ZGPAT: variants seen among roughly 807,000 people sequenced by gnomAD.
ZGPAT encodes zinc finger CCCH-type and G-patch domain containing.
In ZGPAT, 39 loss-of-function variants were observed where a neutral mutation model predicts 47.9. The ratio of observed to expected loss-of-function variants is 0.81; its 90% CI spans 0.63 to 1.06. The LOEUF is 1.06. Ranked by LOEUF, ZGPAT falls within the 50% of genes least tolerant of loss-of-function variation. ZGPAT has a pLI of 0.00. For synonymous variants in ZGPAT, 348 were observed against 292.9 expected, an observed-to-expected ratio of 1.19 and a Z score of -1.92; for missense variants, 717 against 681.4, an observed-to-expected ratio of 1.05 and a Z score of -0.58.
chr20:63,709,359 C>T (rs2091627692), intron 2 of ZGPAT, among the ~76,000 whole-genome samples, 195 bp downstream of exon 2: 1 of 152,194 alleles, frequency 6.6e-6, no homozygotes. Context: ...GGAAGGAGGC[C>T]AGGCGCGGTG....
chr20:63,724,224 G>T (rs1488558389), intron 2 of ZGPAT, among the ~76,000 whole-genome samples: 2 of 151,972 alleles, frequency 1.3e-5, no homozygotes, highest in Non-Finnish European at 2.9e-5. Context: ...AAAGTAGCCG[G>T]GTGTGGTGGT....
chr20:63,725,198 A>G (rs906234635), intron 2 of ZGPAT, among the ~76,000 whole-genome samples: 7 of 151,460 alleles, frequency 4.6e-5, no homozygotes, highest in Admixed American at 2.6e-4. Flanking sequence ...GTTAGCCAGG[A>G]TGGTCTTGAT....
Position 63,711,289 on chromosome 20 carries a change from G to C in ZGPAT, c.584+2125G>C, listed in dbSNP as rs370800211. ...ATGAGAGATCTGACACATCCCTGTG[G>C]TGCTCCCTCTGGGCCAGGCACTGCT... On this transcript the variant is annotated intron_variant, in intron 2 of 6. Coordinates refer to ENST00000355969, the MANE Select transcript of ZGPAT (RefSeq NM_181485.3). Among the ~76,000 whole-genome samples, 12 of 152,266 alleles carry C rather than the reference G, an allele frequency of 7.9e-5. No homozygotes were observed. In the South Asian group the frequency reaches 2.5e-3, roughly 32 times the overall value.
At chr20:63,722,908 G>A (rs935762475) in intron 2 of ZGPAT, among the ~76,000 whole-genome samples, 8 of 152,182 alleles carry the variant, frequency 5.3e-5, no homozygotes, top group Non-Finnish European at 1.0e-4. Flanking sequence ...TGGGATTACA[G>A]GTGTGAGCGA....
chr20:63,708,738 G>A lies in ZGPAT; in HGVS notation c.158G>A (p.Ser53Asn). 1 of 1,612,644 alleles carries A rather than the reference G, an allele frequency of 6.2e-7. No homozygotes were observed. The highest frequency in any genetic ancestry group is 8.5e-7 in the Non-Finnish European group (1 of 1,179,754). The change falls in exon 2 of 7, where the codon AGC becomes AAC. Residue 53 changes from serine to asparagine, a missense_variant. By Grantham distance (46) the Ser-to-Asn change is conservative. Transcript: ENST00000355969. Reference protein sequence around the residue: ...LKELIELTEASLVSVRKSSLL... With the variant: ...LKELIELTEANLVSVRKSSLL... ...GAGCTCATCGAGCTCACCGAGGCCA[G>A]CCTGGTGTCTGTCAGGAAGAGCAGC...
At chr20:63,734,917 G>T (rs573726102) in intron 5 of ZGPAT, 93 bp downstream of exon 5, 2 of 1,440,058 alleles carry the variant, frequency 1.4e-6, no homozygotes, top group South Asian at 1.4e-5. Flanking sequence ...GCAGCCATCG[G>T]GTTCCCAGGG....
intron 2 of ZGPAT, among the ~76,000 whole-genome samples, chr20:63,727,546 C>T (rs926594855): frequency 6.6e-6 from 1 of 151,776 alleles, no homozygotes; most frequent in African/African-American, 2.4e-5. Flanking sequence ...TAGCTCACAC[C>T]TGTAGTCCCA....
At chr20:63,719,321 T>C (rs1239980017) in intron 2 of ZGPAT, among the ~76,000 whole-genome samples, 2 of 152,226 alleles carry the variant, frequency 1.3e-5, no homozygotes, top group Non-Finnish European at 2.9e-5. Context: ...ATTTGCAAAG[T>C]TTCAGCTACT....
At chr20:63,732,982 ATCTG>A (rs1224003524) in intron 2 of ZGPAT, among the ~76,000 whole-genome samples, 1 of 150,478 alleles carries the variant, frequency 6.6e-6, no homozygotes, top group Non-Finnish European at 1.5e-5. Context: ...GTGCATGTGT[ATCTG>A]TATGTGCGTG....
chr20:63,730,970 CTGTGTGTG>C lies in ZGPAT; in HGVS notation c.585-2235_585-2228del, dbSNP rs139077471. ...TCTCTCTCTCTCTCTCTCTCTCTCT[CTGTGTGTG>C]TGTGTGTGTGTGTCTCGGTTTTGGT... On this transcript the variant is annotated intron_variant, in intron 2 of 6. Transcript: ENST00000355969. 3.0e-3 allele frequency among the ~76,000 whole-genome samples: 348 copies of C among 115,126 alleles called. 2 individuals are homozygous for C. The highest frequency in any genetic ancestry group is 0.014 in the African/African-American group (334 of 24,428). The allele number at this position is 115,126 out of a possible 152,430, so 75.5% of individuals were successfully genotyped here.
chr20:63,709,866 TTA>T (rs1352933238), intron 2 of ZGPAT, among the ~76,000 whole-genome samples: 3 of 151,962 alleles, frequency 2.0e-5, no homozygotes, highest in African/African-American at 7.3e-5. Context: ...CTATAATTTT[TTA>T]TCTTTTTTTT....
chr20:63,707,739 A>T (rs1210711065), upstream of ZGPAT: 1 of 152,142 alleles, frequency 6.6e-6, no homozygotes, highest in Non-Finnish European at 1.5e-5. Context: ...GTCCGCCCCA[A>T]GCCGCCGCCG....
chr20:63,714,755 A>C (rs2091708807), intron 2 of ZGPAT, among the ~76,000 whole-genome samples: 1 of 151,658 alleles, frequency 6.6e-6, no homozygotes, highest in African/African-American at 2.4e-5. Context: ...GGATCCTCCT[A>C]CTTCATCCTC....
intron 2 of ZGPAT, among the ~76,000 whole-genome samples, chr20:63,717,435 C>T (rs531785621): frequency 2.8e-4 from 43 of 150,904 alleles, no homozygotes; most frequent in Non-Finnish European, 5.0e-4. Context: ...CTGCAGCCTC[C>T]GCCGCCCAGG....
intron 5 of ZGPAT, 99 bp downstream of exon 5, chr20:63,734,923 C>G: frequency 7.0e-7 from 1 of 1,427,608 alleles, no homozygotes; most frequent in Non-Finnish European, 9.2e-7. Context: ...ATCGGGTTCC[C>G]AGGGTCCCGC....
intron 6 of ZGPAT, 30 bp from the exon 7 acceptor site, chr20:63,735,750 AC>A: frequency 7.6e-6 from 12 of 1,569,330 alleles, no homozygotes; most frequent in Non-Finnish European, 9.5e-6. Flanking sequence ...ATGGCCCAGG[AC>A]CCCACGCTGA....
intron 3 of ZGPAT, 23 bp downstream of exon 3, chr20:63,733,375 C>T (rs2091943316): frequency 6.2e-7 from 1 of 1,605,752 alleles, no homozygotes; most frequent in Non-Finnish European, 8.5e-7. Context: ...GTGGGGGCCT[C>T]CCGGGAACAC....
At chr20:63,726,251 T>G (rs1335719312) in intron 2 of ZGPAT, among the ~76,000 whole-genome samples, 1 of 148,266 alleles carries the variant, frequency 6.7e-6, no homozygotes, top group Non-Finnish European at 1.5e-5. Flanking sequence ...CAGGCTGGAG[T>G]GCAATGGCGC....
At chr20:63,711,435 G>A (rs1352394411) in intron 2 of ZGPAT, among the ~76,000 whole-genome samples, 2 of 152,112 alleles carry the variant, frequency 1.3e-5, no homozygotes, top group Non-Finnish European at 2.9e-5. Context: ...GGGCTTCAAG[G>A]CTCAGAGGGC....
Sources: allele counts gnomAD v4.1 joint callset (sites outside exome capture counted in the v4.1 genomes callset), GRCh38; gene constraint gnomAD v4.1.1; transcripts MANE v1.5; gene names NCBI Gene and HGNC (gene_info 2026-07-23, HGNC 2026-07-21).